The following MND1 variants were observed in gnomAD, a reference collection of about 807,000 sequenced individuals.
MND1 encodes the protein meiotic nuclear divisions 1.
A neutral mutation model predicts 35.1 loss-of-function variants in MND1; 28 were observed. That is an observed-to-expected ratio of 0.80 (90% CI 0.59 to 1.09). The LOEUF is 1.09. Ranked by LOEUF, MND1 falls within the 50% of genes least tolerant of loss-of-function variation. The probability of loss-of-function intolerance (pLI) is 0.00; values close to 1 mark genes in which losing one functional copy is unlikely to be tolerated. For synonymous variants in MND1, 69 were observed against 70.5 expected, an observed-to-expected ratio of 0.98 and a Z score of 0.11; for missense variants, 213 against 239.6, an observed-to-expected ratio of 0.89 and a Z score of 0.73.
chr4:153,361,234 ACT>A (rs920679503), intron 4 of MND1, among the ~76,000 whole-genome samples: 2 of 152,188 alleles, frequency 1.3e-5, no homozygotes, highest in Admixed American at 6.5e-5. Flanking sequence ...AGAGTGGTAA[ACT>A]CTCAATCTTT....
chr4:153,396,978 C>T (rs193094245), intron 5 of MND1, among the ~76,000 whole-genome samples: 1 of 152,184 alleles, frequency 6.6e-6, no homozygotes, highest in East Asian at 1.9e-4. Flanking sequence ...TTCCATTCTA[C>T]ATATTAACTC....
intron 6 of MND1, among the ~76,000 whole-genome samples, chr4:153,397,906 G>T (rs963527692): frequency 1.3e-5 from 2 of 149,216 alleles, no homozygotes; most frequent in Non-Finnish European, 3.0e-5. Flanking sequence ...AAGAAGTGTG[G>T]GATAGAAGGA....
chr4:153,356,925 C>T (rs1482448139), intron 3 of MND1, among the ~76,000 whole-genome samples: 4 of 152,078 alleles, frequency 2.6e-5, no homozygotes, highest in East Asian at 3.8e-4. Context: ...CGGGTTCAAG[C>T]GATTCTCCTG....
chr4:153,363,262 A>G (rs1289075492), intron 4 of MND1, among the ~76,000 whole-genome samples: 2 of 149,556 alleles, frequency 1.3e-5, no homozygotes, highest in Non-Finnish European at 3.0e-5. Flanking sequence ...CCCAGGCTGG[A>G]GTGCAGAGGC....
chr4:153,388,905 G>T (rs1007548991), intron 4 of MND1, among the ~76,000 whole-genome samples: 2 of 152,204 alleles, frequency 1.3e-5, no homozygotes, highest in Admixed American at 6.5e-5. Flanking sequence ...GGTCTCAGTG[G>T]AGAGGGGACT....
At chr4:153,387,723 C>T (rs1345126179) in intron 4 of MND1, among the ~76,000 whole-genome samples, 1 of 152,070 alleles carries the variant, frequency 6.6e-6, no homozygotes, top group Non-Finnish European at 1.5e-5. Flanking sequence ...ACACTCCAGC[C>T]TGGGTGACAG....
intron 7 of MND1, among the ~76,000 whole-genome samples, chr4:153,409,468 T>G (rs926460028): frequency 6.6e-6 from 1 of 152,154 alleles, no homozygotes; most frequent in South Asian, 2.1e-4. Flanking sequence ...ATGATAATCT[T>G]GAGGTAGATA....
At chr4:153,359,802 T>G (rs1342720879) in intron 4 of MND1, among the ~76,000 whole-genome samples, 10 of 67,670 alleles carry the variant, frequency 1.5e-4, no homozygotes, top group Non-Finnish European at 2.7e-4. Flanking sequence ...TTTTTTTTTT[T>G]GTGAGACGGA....
At chr4:153,370,702 T>G (rs934880933) in intron 4 of MND1, among the ~76,000 whole-genome samples, 3 of 151,986 alleles carry the variant, frequency 2.0e-5, no homozygotes, top group African/African-American at 7.2e-5. Context: ...GTATTTTTAG[T>G]AGAGACAGGG....
intron 4 of MND1, among the ~76,000 whole-genome samples, chr4:153,378,765 G>GT: frequency 6.6e-6 from 1 of 152,176 alleles, no homozygotes; most frequent in Non-Finnish European, 1.5e-5. Context: ...AACAACTGGT[G>GT]TTTTTTGACT....
At chr4:153,403,511 C>T (rs959700134) in intron 6 of MND1, among the ~76,000 whole-genome samples, 1 of 152,146 alleles carries the variant, frequency 6.6e-6, no homozygotes, top group Non-Finnish European at 1.5e-5. Flanking sequence ...CTTAAGAACA[C>T]GGACTTTACA....
At chr4:153,400,747 A>ATT (rs142476315) in intron 6 of MND1, among the ~76,000 whole-genome samples, 13,118 of 152,188 alleles carry the variant, frequency 0.086, 774 homozygotes, top group South Asian at 0.18. Flanking sequence ...GATAAAATTC[A>ATT]TTATGTCTGG....
intron 4 of MND1, among the ~76,000 whole-genome samples, chr4:153,361,102 G>A (rs554970286): frequency 6.6e-6 from 1 of 152,292 alleles, no homozygotes; most frequent in South Asian, 2.1e-4. Flanking sequence ...GCTTCCCAAA[G>A]TGCTGGTGGG....
intron 6 of MND1, among the ~76,000 whole-genome samples, chr4:153,402,807 CA>C (rs1561078680): frequency 6.6e-6 from 1 of 152,146 alleles, no homozygotes; most frequent in Non-Finnish European, 1.5e-5. Flanking sequence ...TTTAACTTCT[CA>C]GTTAACCATT....
At chr4:153,379,647 C>T (rs1391191730) in intron 4 of MND1, among the ~76,000 whole-genome samples, 3 of 151,678 alleles carry the variant, frequency 2.0e-5, no homozygotes, top group Non-Finnish European at 4.4e-5. Flanking sequence ...GTCAGGAGTT[C>T]GAAACCAGCC....
At chr4:153,361,790 A>G (rs1175537236) in intron 4 of MND1, among the ~76,000 whole-genome samples, 2 of 152,052 alleles carry the variant, frequency 1.3e-5, no homozygotes, top group Admixed American at 6.6e-5. Flanking sequence ...GTGAGCCAAG[A>G]TCGCGCCACT....
At chr4:153,344,890 GC>G in intron 1 of MND1, 150 bp downstream of exon 1, 1 of 1,279,018 alleles carries the variant, frequency 7.8e-7, no homozygotes, top group Non-Finnish European at 1.0e-6. Context: ...CCGTGTAGGG[GC>G]CCAGCCCGGC....
intron 6 of MND1, among the ~76,000 whole-genome samples, chr4:153,407,376 T>C (rs1252589931): frequency 6.6e-6 from 1 of 152,028 alleles, no homozygotes; most frequent in Non-Finnish European, 1.5e-5. Context: ...GGCAGGAGAA[T>C]TGCTTGAACC....
At position 153,372,386 on chromosome 4, in the gene MND1, T is replaced by TA. The variant is rs1313921618; in HGVS notation, c.276+13772dup. 3.1e-4 allele frequency among the ~76,000 whole-genome samples: 47 copies of TA among 151,098 alleles called. 2 individuals are homozygous for TA. In the East Asian group the frequency reaches 3.9e-3, roughly 12 times the overall value. ...TTAGAGGATATCATAGGATTTTTTT[T>TA]AAAAAAAACTTTTTATGTGTGTATA... On this transcript the variant is annotated intron_variant, in intron 4 of 7. Coordinates refer to ENST00000240488, the MANE Select transcript of MND1 (RefSeq NM_032117.4).
Sources: gnomAD v4.1 joint callset for allele counts (sites outside exome capture counted in the v4.1 genomes callset) on GRCh38, gnomAD v4.1.1 for gene constraint, MANE v1.5 for transcripts, NCBI Gene and HGNC (gene_info 2026-07-23, HGNC 2026-07-21) for gene names.